Variants in SH3BGRL2 observed in about 807,000 individuals in gnomAD.
SH3BGRL2 encodes the protein SH3 domain-binding glutamic acid-rich-like protein 2.
A neutral mutation model predicts 14.8 loss-of-function variants in SH3BGRL2; 21 were observed. The observed-to-expected ratio is 1.42, with a 90% CI of 1.01 to 2.05. The LOEUF is 2.05. Ranked by LOEUF, SH3BGRL2 falls within the 30% of genes most tolerant of loss-of-function variation. SH3BGRL2 has a pLI of 0.00. For synonymous variants in SH3BGRL2, 50 were observed against 47.8 expected, an observed-to-expected ratio of 1.05 and a Z score of -0.19; for missense variants, 147 against 130.8, an observed-to-expected ratio of 1.12 and a Z score of -0.61.
At chr6:79,671,702 A>C (rs1343276261) in intron 1 of SH3BGRL2, among the ~76,000 whole-genome samples, 1 of 152,184 alleles carries the variant, frequency 6.6e-6, no homozygotes, top group Non-Finnish European at 1.5e-5. Context: ...CTGTTACCGC[A>C]TGGGAAGCCT....
intron 3 of SH3BGRL2, among the ~76,000 whole-genome samples, chr6:79,697,592 C>T (rs1375109765): frequency 6.6e-6 from 1 of 152,112 alleles, no homozygotes; most frequent in Non-Finnish European, 1.5e-5. Flanking sequence ...TGAAATCGTG[C>T]TTTGTTTTTA....
Position 79,663,991 on chromosome 6 carries a change from C to T in SH3BGRL2, c.46-9623C>T, listed in dbSNP as rs549630665. 1.2e-4 allele frequency among the ~76,000 whole-genome samples: 19 copies of T among 152,364 alleles called. No individual in the cohort carries two copies. In the East Asian group the frequency reaches 3.7e-3, roughly 29 times the overall value. ...TGCCAAGCCAGGCATGGGAGAGAATCTCCTAGTCTGTCAGTTGCTAAGACC... is the reference window on the plus strand; with the variant it reads ...TGCCAAGCCAGGCATGGGAGAGAATTTCCTAGTCTGTCAGTTGCTAAGACC... On this transcript the variant is annotated intron_variant, in intron 1 of 3. Coordinates refer to ENST00000369838, the MANE Select transcript of SH3BGRL2 (RefSeq NM_031469.4).
chr6:79,636,307 A>G (rs1024301928), intron 1 of SH3BGRL2, among the ~76,000 whole-genome samples: 5 of 152,140 alleles, frequency 3.3e-5, no homozygotes, highest in Admixed American at 1.3e-4. Flanking sequence ...TGAGAGTATC[A>G]GAGGTACTTC....
intron 2 of SH3BGRL2, among the ~76,000 whole-genome samples, chr6:79,691,193 T>A (rs1287369026): frequency 6.6e-6 from 1 of 152,116 alleles, no homozygotes; most frequent in East Asian, 1.9e-4. Context: ...CCAAACCTGA[T>A]GAATTAGAGC....
At chr6:79,645,732 A>C (rs1390214291) in intron 1 of SH3BGRL2, among the ~76,000 whole-genome samples, 1 of 152,166 alleles carries the variant, frequency 6.6e-6, no homozygotes, top group Non-Finnish European at 1.5e-5. Context: ...AATAGTTTTA[A>C]ATGGTTATTA....
At chr6:79,600,299 G>A in the SH3BGRL2 span, among the ~76,000 whole-genome samples, 2 of 152,050 alleles carry the variant, frequency 1.3e-5, no homozygotes, top group African/African-American at 4.8e-5. Context: ...TTACTCCCAT[G>A]CCACTGGCCC....
chr6:79,607,454 T>G, the SH3BGRL2 span, among the ~76,000 whole-genome samples: 1 of 152,130 alleles, frequency 6.6e-6, no homozygotes, highest in Non-Finnish European at 1.5e-5. Context: ...TCTCCCTCCC[T>G]TCTTTTAACC....
the SH3BGRL2 span, among the ~76,000 whole-genome samples, chr6:79,591,060 G>T: frequency 6.6e-6 from 1 of 152,086 alleles, no homozygotes; most frequent in Non-Finnish European, 1.5e-5. Flanking sequence ...AATATTAAGT[G>T]AGCCAATATT....
the SH3BGRL2 span, among the ~76,000 whole-genome samples, chr6:79,557,956 T>A: frequency 6.6e-6 from 1 of 152,226 alleles, no homozygotes; most frequent in Admixed American, 6.5e-5. Flanking sequence ...CAAGGACTTA[T>A]GATCATTCAA....
intron 1 of SH3BGRL2, among the ~76,000 whole-genome samples, chr6:79,633,943 C>T (rs1252682086): frequency 1.3e-5 from 2 of 152,186 alleles, no homozygotes; most frequent in African/African-American, 2.4e-5. Flanking sequence ...GATGTGTTCC[C>T]TCCAGAAGTG....
At chr6:79,612,930 T>C in the SH3BGRL2 span, among the ~76,000 whole-genome samples, 12 of 152,334 alleles carry the variant, frequency 7.9e-5, no homozygotes, top group African/African-American at 2.9e-4. Context: ...TTCACATGCA[T>C]CTGTATCCTT....
intron 1 of SH3BGRL2, among the ~76,000 whole-genome samples, chr6:79,670,185 GT>G (rs895611633): frequency 7.2e-5 from 11 of 152,098 alleles, no homozygotes; most frequent in Non-Finnish European, 1.6e-4. Flanking sequence ...TTATTCTTTT[GT>G]TTTTTTCCCC....
At chr6:79,692,311 G>T (rs1414924385) in intron 2 of SH3BGRL2, among the ~76,000 whole-genome samples, 2 of 152,132 alleles carry the variant, frequency 1.3e-5, no homozygotes, top group Non-Finnish European at 2.9e-5. Flanking sequence ...TAGGTTGCCT[G>T]TTCACTCTGA....
At chr6:79,688,487 T>C (rs1770145869) in intron 2 of SH3BGRL2, among the ~76,000 whole-genome samples, 1 of 152,196 alleles carries the variant, frequency 6.6e-6, no homozygotes, top group Admixed American at 6.5e-5. Flanking sequence ...TATTTACTAA[T>C]CATATTCTGT....
At chr6:79,578,701 A>G in the SH3BGRL2 span, among the ~76,000 whole-genome samples, 48 of 152,334 alleles carry the variant, frequency 3.2e-4, no homozygotes. Context: ...GAGAAGCCAG[A>G]GCAGAAAAGC....
intron 2 of SH3BGRL2, among the ~76,000 whole-genome samples, chr6:79,688,584 G>A (rs749947563): frequency 6.6e-6 from 1 of 152,044 alleles, no homozygotes; most frequent in African/African-American, 2.4e-5. Context: ...TAGACTATAA[G>A]GAATTCAGTG....
the SH3BGRL2 span, among the ~76,000 whole-genome samples, chr6:79,625,366 A>G: frequency 6.6e-6 from 1 of 152,150 alleles, no homozygotes; most frequent in Admixed American, 6.5e-5. Context: ...TTGATCAAGA[A>G]TAGACAGAAT....
chr6:79,670,684 A>G (rs1459381740), intron 1 of SH3BGRL2, among the ~76,000 whole-genome samples: 3 of 152,234 alleles, frequency 2.0e-5, no homozygotes, highest in Non-Finnish European at 4.4e-5. Context: ...TGTCTAATAC[A>G]GAAAGGTGTA....
chr6:79,583,622 G>A, the SH3BGRL2 span, among the ~76,000 whole-genome samples: 1 of 152,098 alleles, frequency 6.6e-6, no homozygotes, highest in Non-Finnish European at 1.5e-5. Flanking sequence ...CACACACCAG[G>A]GCCTGTAAGG....
Sources: gnomAD v4.1 joint callset for allele counts (sites outside exome capture counted in the v4.1 genomes callset) on GRCh38, gnomAD v4.1.1 for gene constraint, MANE v1.5 for transcripts, NCBI Gene and HGNC (gene_info 2026-07-23, HGNC 2026-07-21) for gene names.